PLXDC2: variants seen among roughly 807,000 people sequenced by gnomAD.
PLXDC2 encodes plexin domain containing 2.
In PLXDC2, 40 loss-of-function variants were observed where a neutral mutation model predicts 68.9. The observed-to-expected ratio is 0.58, with a 90% confidence interval of 0.45 to 0.76. PLXDC2 has a LOEUF of 0.76. Among genes scored for constraint, PLXDC2 ranks in the 30% least tolerant of loss-of-function variants. The probability of loss-of-function intolerance (pLI) is 0.00; values close to 1 mark genes in which losing one functional copy is unlikely to be tolerated. For synonymous variants in PLXDC2, 243 were observed against 234.2 expected (o/e 1.04, Z -0.34); for missense variants, 644 against 661.9 (o/e 0.97, Z 0.30).
rs73601626 is a variant in PLXDC2, at chr10:19,889,378, C to G, written c.112+72187C>G. ...AGCCACTTGGGCCCCTCCAACTACA[C>G]TGGAATGCAAATCATTAAATGACTC... On this transcript the variant is annotated intron_variant, in intron 1 of 13. Transcript: ENST00000377252. Among the ~76,000 whole-genome samples the G allele has an allele frequency of 5.2e-3, 790 of 152,250 alleles. 3 individuals carry two copies. The highest frequency in any genetic ancestry group is 0.018 in the African/African-American group (738 of 41,538).
At chr10:20,088,598 T>C (rs1833232885) in intron 4 of PLXDC2, among the ~76,000 whole-genome samples, 1 of 152,162 alleles carries the variant, frequency 6.6e-6, no homozygotes, top group Admixed American at 6.5e-5. Flanking sequence ...TAGGAAACTA[T>C]TCATAATTTC....
intron 4 of PLXDC2, among the ~76,000 whole-genome samples, chr10:20,106,878 T>A: frequency 6.6e-6 from 1 of 151,780 alleles, no homozygotes; most frequent in East Asian, 1.9e-4. Context: ...ATATACTATT[T>A]GCTATATCGT....
At chr10:20,213,931 A>G (rs1160197452) in intron 10 of PLXDC2, among the ~76,000 whole-genome samples, 3 of 152,040 alleles carry the variant, frequency 2.0e-5, no homozygotes, top group Non-Finnish European at 2.9e-5. Flanking sequence ...CCTCTATTAT[A>G]TGTAATCTCT....
intron 13 of PLXDC2, among the ~76,000 whole-genome samples, chr10:20,278,088 T>A (rs368917013): frequency 6.6e-5 from 10 of 152,332 alleles, no homozygotes; most frequent in East Asian, 5.8e-4. Context: ...CATCCATTCA[T>A]CTGTTGATGG....
At chr10:20,117,516 T>A (rs1435399367) in intron 4 of PLXDC2, among the ~76,000 whole-genome samples, 1 of 152,202 alleles carries the variant, frequency 6.6e-6, no homozygotes, top group Admixed American at 6.5e-5. Flanking sequence ...GGACTCTTGA[T>A]TCGCCAGGTC....
At chr10:19,865,079 A>G (rs916836976) in intron 1 of PLXDC2, among the ~76,000 whole-genome samples, 22 of 152,258 alleles carry the variant, frequency 1.4e-4, no homozygotes, top group Middle Eastern at 3.4e-3. Context: ...ACAAGTGGAC[A>G]TTGTTCTTCT....
rs545399076 is a variant in PLXDC2 at position 20,021,343 on chromosome 10, G to A, written c.324+19357G>A. On this transcript the variant is annotated intron_variant, in intron 2 of 13. Transcript: ENST00000377252. ...ACTTAGGTATATACATGCCCTGGTG[G>A]TTTGCTGCACCTATCAATTCATCAT... Among the ~76,000 whole-genome samples the A allele has an allele frequency of 3.3e-5, 5 of 152,132 alleles. No individual in the cohort carries two copies. In the East Asian group the frequency reaches 7.7e-4, roughly 24 times the overall value.
chr10:20,148,336 G>A (rs1046701943), intron 6 of PLXDC2, among the ~76,000 whole-genome samples: 1 of 151,154 alleles, frequency 6.6e-6, no homozygotes, highest in South Asian at 2.1e-4. Flanking sequence ...TTATAGACAC[G>A]AAAACTTATG....
At chr10:20,219,039 T>C (rs1048890416) in intron 11 of PLXDC2, 25 bp from the exon 12 acceptor site, 4 of 1,606,458 alleles carry the variant, frequency 2.5e-6, no homozygotes, top group Non-Finnish European at 3.4e-6. Context: ...TTTTCTGTTA[T>C]AGTAACTTTG....
intron 9 of PLXDC2, among the ~76,000 whole-genome samples, chr10:20,190,562 GT>G (rs1834751130): frequency 6.7e-6 from 1 of 150,326 alleles, no homozygotes; most frequent in African/African-American, 2.4e-5. Context: ...AAACCTGCAC[GT>G]TGTGCACATG....
At chr10:20,086,010 G>C (rs1263169700) in intron 4 of PLXDC2, among the ~76,000 whole-genome samples, 1 of 152,144 alleles carries the variant, frequency 6.6e-6, no homozygotes. Flanking sequence ...GTAATGGTTT[G>C]CTTGACAAAT....
chr10:20,004,484 T>C (rs1406200668), intron 2 of PLXDC2, among the ~76,000 whole-genome samples: 1 of 152,094 alleles, frequency 6.6e-6, no homozygotes, highest in East Asian at 1.9e-4. Context: ...AAAGGAGAAC[T>C]GAATAGAAGC....
At chr10:19,896,012 G>A (rs144676549) in intron 1 of PLXDC2, among the ~76,000 whole-genome samples, 2 of 152,172 alleles carry the variant, frequency 1.3e-5, no homozygotes, top group Non-Finnish European at 2.9e-5. Context: ...GCAGGTCAAG[G>A]TCGGGGGGCC....
chr10:20,253,092 C>T (rs1171404121), intron 13 of PLXDC2, among the ~76,000 whole-genome samples: 1 of 151,834 alleles, frequency 6.6e-6, no homozygotes, highest in African/African-American at 2.4e-5. Flanking sequence ...AGGCCAGGTG[C>T]GGTGGCTCAT....
chr10:20,255,198 TA>T (rs1365364284), intron 13 of PLXDC2, among the ~76,000 whole-genome samples: 1 of 139,900 alleles, frequency 7.1e-6, no homozygotes, highest in Non-Finnish European at 1.6e-5. Flanking sequence ...GATGGATAGA[TA>T]GATAGATAGA....
intron 4 of PLXDC2, among the ~76,000 whole-genome samples, chr10:20,068,639 A>G (rs1234009964): frequency 4.0e-5 from 6 of 148,212 alleles, no homozygotes; most frequent in Non-Finnish European, 7.4e-5. Context: ...ATATATTTAC[A>G]TATATATGCA....
chr10:19,951,444 TACTA>T (rs1370391476), intron 1 of PLXDC2, among the ~76,000 whole-genome samples: 5 of 152,214 alleles, frequency 3.3e-5, no homozygotes, highest in Non-Finnish European at 5.9e-5. Context: ...TGCAATAAGA[TACTA>T]ACTATCTCAC....
At chr10:20,054,591 A>G (rs543148315) in intron 3 of PLXDC2, among the ~76,000 whole-genome samples, 80 of 152,210 alleles carry the variant, frequency 5.3e-4, no homozygotes, top group Non-Finnish European at 8.5e-4. Flanking sequence ...TTCTCAGCAA[A>G]CTATCGCAAG....
chr10:19,827,578 T>A (rs1589487037), intron 1 of PLXDC2, among the ~76,000 whole-genome samples: 1 of 136,540 alleles, frequency 7.3e-6, no homozygotes, highest in Non-Finnish European at 1.6e-5. Flanking sequence ...TTTTTTTTTT[T>A]AAGACAGAGT....
Sources: gnomAD v4.1 joint callset for allele counts (sites outside exome capture counted in the v4.1 genomes callset) on GRCh38, gnomAD v4.1.1 for gene constraint, MANE v1.5 for transcripts, NCBI Gene and HGNC (gene_info 2026-07-23, HGNC 2026-07-21) for gene names.